The following LRMDA variants were observed in gnomAD, a reference collection of about 807,000 sequenced individuals.
The protein encoded by LRMDA is leucine rich melanocyte differentiation associated.
A neutral mutation model predicts 29.8 loss-of-function variants in LRMDA; 18 were observed. The observed-to-expected ratio is 0.60, with a 90% CI of 0.42 to 0.90. LRMDA has a LOEUF of 0.90. Ranked by LOEUF, LRMDA falls within the 40% of genes least tolerant of loss-of-function variation. The pLI is 0.00. For missense variants in LRMDA, 273 were observed against 273.9 expected (o/e 1.00, Z 0.02); for synonymous variants, 125 against 109.4 (o/e 1.14, Z -0.89).
intron 5 of LRMDA, among the ~76,000 whole-genome samples, chr10:76,320,109 A>C (rs1333083773): frequency 6.6e-6 from 1 of 152,192 alleles, no homozygotes; most frequent in Non-Finnish European, 1.5e-5. Flanking sequence ...CACCGAGTGA[A>C]ATTCTCGCTT....
intron 6 of LRMDA, among the ~76,000 whole-genome samples, chr10:76,366,733 A>G (rs1031685972): frequency 2.0e-5 from 3 of 152,108 alleles, no homozygotes; most frequent in African/African-American, 7.2e-5. Context: ...ACCGATTTGG[A>G]TGCCCTTTAT....
chr10:76,081,165 C>A (rs182448382), intron 5 of LRMDA, among the ~76,000 whole-genome samples: 60 of 152,326 alleles, frequency 3.9e-4, no homozygotes, highest in African/African-American at 1.3e-3. Flanking sequence ...ACACTTACCA[C>A]TTGTTCTTTT....
At position 76,441,741 on chromosome 10, in the gene LRMDA, C is replaced by G. The variant is rs191773932; in HGVS notation, c.602-115468C>G. On this transcript the variant is annotated intron_variant, in intron 6 of 6. Transcript: ENST00000611255. The stretch of plus-strand genomic sequence containing the variant: ...TGTGTACCTCCTCTTGTTCTTCTTT[C>G]AAAGACTCATTACACTTGGCATACA... 7.9e-4 allele frequency among the ~76,000 whole-genome samples: 121 copies of G among 152,262 alleles called. No individual in the cohort carries two copies. In the Middle Eastern group the frequency reaches 0.037, roughly 47 times the overall value.
chr10:76,036,180 C>A, intron 3 of LRMDA, 46 bp downstream of exon 3: 1 of 1,562,668 alleles, frequency 6.4e-7, no homozygotes, highest in Non-Finnish European at 8.7e-7. Context: ...CCCAGCCCCA[C>A]AGTCGTCCCC....
chr10:76,221,901 G>T (rs1484287963), intron 5 of LRMDA, among the ~76,000 whole-genome samples: 1 of 151,944 alleles, frequency 6.6e-6, no homozygotes, highest in Non-Finnish European at 1.5e-5. Flanking sequence ...AAACAGCATG[G>T]TACTGGTACC....
At chr10:75,720,741 A>G (rs1358030557) in intron 2 of LRMDA, among the ~76,000 whole-genome samples, 1 of 152,184 alleles carries the variant, frequency 6.6e-6, no homozygotes, top group Non-Finnish European at 1.5e-5. Context: ...CTACTGGGTG[A>G]CTAGAGTTGG....
rs759637668 is a variant in LRMDA, at chr10:76,515,012, C to T, written c.602-42197C>T. ...AATATATTCTTCTGGCATGATTATGCAAGCTTTGAGTGTAAAGGGCAGTTG... is the reference window on the plus strand; with the variant it reads ...AATATATTCTTCTGGCATGATTATGTAAGCTTTGAGTGTAAAGGGCAGTTG... On this transcript the variant is annotated intron_variant, in intron 6 of 6. Coordinates refer to ENST00000611255, the MANE Select transcript of LRMDA (RefSeq NM_001305581.2). Among the ~76,000 whole-genome samples, 45 of 152,184 alleles carry T rather than the reference C, an allele frequency of 3.0e-4. No homozygotes were observed. The East Asian group carries it at 3.1e-3, about 10-fold the overall frequency.
At chr10:75,952,556 G>T (rs151031024) in intron 2 of LRMDA, among the ~76,000 whole-genome samples, 299 of 152,264 alleles carry the variant, frequency 2.0e-3, no homozygotes, top group Middle Eastern at 0.01. Context: ...GCAAGGCAAG[G>T]TGAGTGAGGG....
At chr10:75,685,909 C>T (rs976828755) in intron 2 of LRMDA, among the ~76,000 whole-genome samples, 1 of 152,196 alleles carries the variant, frequency 6.6e-6, no homozygotes. Flanking sequence ...ATGCCAGCTA[C>T]AGTTCTAAGT....
intron 5 of LRMDA, among the ~76,000 whole-genome samples, chr10:76,093,737 C>A (rs1261450050): frequency 1.3e-5 from 2 of 152,168 alleles, no homozygotes; most frequent in Admixed American, 6.5e-5. Context: ...GGGTCACTGA[C>A]AAGTTCCAAA....
At chr10:75,526,043 ATTATT>A in intron 2 of LRMDA, among the ~76,000 whole-genome samples, 1 of 151,200 alleles carries the variant, frequency 6.6e-6, no homozygotes, top group Non-Finnish European at 1.5e-5. Context: ...ATATATTATT[ATTATT>A]TTATTTATTT....
chr10:76,419,909 A>G (rs1397423818), intron 6 of LRMDA, among the ~76,000 whole-genome samples: 1 of 152,146 alleles, frequency 6.6e-6, no homozygotes, highest in East Asian at 1.9e-4. Flanking sequence ...ACCCAACTTT[A>G]TTGTGTTATG....
intron 2 of LRMDA, among the ~76,000 whole-genome samples, chr10:75,488,736 C>T (rs1844946913): frequency 6.6e-6 from 1 of 152,100 alleles, no homozygotes; most frequent in African/African-American, 2.4e-5. Context: ...TCAGCAGCAA[C>T]ATCCTTCTTG....
At chr10:76,205,610 A>T (rs1194141484) in intron 5 of LRMDA, among the ~76,000 whole-genome samples, 1 of 152,170 alleles carries the variant, frequency 6.6e-6, no homozygotes, top group Admixed American at 6.5e-5. Flanking sequence ...TCTGAATCAT[A>T]ATGCTACTGA....
intron 2 of LRMDA, among the ~76,000 whole-genome samples, chr10:75,685,286 C>T (rs1842068051): frequency 2.0e-5 from 3 of 151,538 alleles, no homozygotes; most frequent in Admixed American, 6.6e-5. Flanking sequence ...CAGGGAGAGA[C>T]ATTTGTTCTC....
intron 2 of LRMDA, among the ~76,000 whole-genome samples, chr10:75,517,278 A>C (rs917606619): frequency 2.0e-5 from 3 of 152,064 alleles, no homozygotes; most frequent in African/African-American, 7.3e-5. Context: ...TGAATCTATA[A>C]ATTACCTTGG....
At chr10:76,355,492 C>T (rs1841228225) in intron 6 of LRMDA, among the ~76,000 whole-genome samples, 1 of 152,158 alleles carries the variant, frequency 6.6e-6, no homozygotes, top group Non-Finnish European at 1.5e-5. Context: ...AACAACTATA[C>T]CTGATGTGAT....
At chr10:75,723,478 C>G (rs931939064) in intron 2 of LRMDA, among the ~76,000 whole-genome samples, 1 of 152,234 alleles carries the variant, frequency 6.6e-6, no homozygotes, top group African/African-American at 2.4e-5. Context: ...GTCCCAAACA[C>G]TATTCAGCAA....
At chr10:76,314,663 TTAAA>T (rs571514672) in intron 5 of LRMDA, among the ~76,000 whole-genome samples, 3 of 152,226 alleles carry the variant, frequency 2.0e-5, no homozygotes, top group Non-Finnish European at 4.4e-5. Flanking sequence ...AGGAGTCTTG[TTAAA>T]TAAGGTAATT....
Sources: gnomAD v4.1 joint callset for allele counts (sites outside exome capture counted in the v4.1 genomes callset) on GRCh38, gnomAD v4.1.1 for gene constraint, MANE v1.5 for transcripts, NCBI Gene and HGNC (gene_info 2026-07-23, HGNC 2026-07-21) for gene names.